Variants in COBL observed in about 807,000 individuals in gnomAD.
COBL encodes protein cordon-bleu.
Under a neutral mutation model 98.8 loss-of-function variants are expected in COBL, and 51 were observed. The ratio of observed to expected loss-of-function variants is 0.52; its 90% CI spans 0.41 to 0.65. COBL has a LOEUF of 0.65. COBL is among the 30% of genes least tolerant of loss of function. COBL has a pLI of 0.00. For synonymous variants in COBL, 634 were observed against 651.7 expected, an observed-to-expected ratio of 0.97 and a Z score of 0.41; for missense variants, 1,617 against 1,617.5, an observed-to-expected ratio of 1.00 and a Z score of 0.01.
At chr7:51,139,870 G>A (rs781419014) in intron 5 of COBL, among the ~76,000 whole-genome samples, 145 of 152,276 alleles carry the variant, frequency 9.5e-4, no homozygotes, top group Non-Finnish European at 2.5e-4. Context: ...AAAACAGCTT[G>A]GCCCCCCCTA....
At chr7:51,235,908 C>T (rs896675159) in intron 1 of COBL, among the ~76,000 whole-genome samples, 1 of 152,182 alleles carries the variant, frequency 6.6e-6, no homozygotes, top group African/African-American at 2.4e-5. Context: ...ACCATTCACA[C>T]AGTCCACCTT....
At chr7:51,306,055 C>G (rs60376948) in intron 1 of COBL, among the ~76,000 whole-genome samples, 31,859 of 151,772 alleles carry the variant, frequency 0.21, 4,214 homozygotes, top group African/African-American at 0.36. Context: ...GGGGTGGGGG[C>G]AAACATTGTA....
Position 51,113,720 on chromosome 7 carries a change from C to T in COBL, c.957+22438G>A, listed in dbSNP as rs541671488. Among the ~76,000 whole-genome samples, 12 of 152,282 alleles carry T rather than the reference C, an allele frequency of 7.9e-5. 1 individual carries two copies. In the South Asian group the frequency reaches 2.3e-3, roughly 29 times the overall value. ...ATATTATTTGGAATAAATTTCTCTT[C>T]CATATCAGAAATGTGTTATTTGCTG... On this transcript the variant is annotated intron_variant, in intron 6 of 12. Coordinates refer to ENST00000265136, the MANE Select transcript of COBL (RefSeq NM_015198.5).
intron 1 of COBL, among the ~76,000 whole-genome samples, chr7:51,248,090 G>T (rs913939620): frequency 6.6e-6 from 1 of 152,022 alleles, no homozygotes; most frequent in East Asian, 1.9e-4. Flanking sequence ...AGTGAGCCGA[G>T]ATCACGCCAC....
At chr7:51,236,475 C>T (rs1471598706) in intron 1 of COBL, among the ~76,000 whole-genome samples, 6 of 152,176 alleles carry the variant, frequency 3.9e-5, no homozygotes, top group African/African-American at 1.4e-4. Flanking sequence ...GTGAAGGAGA[C>T]TTTAAGAAAA....
At chr7:51,300,554 C>T (rs1489629837) in intron 1 of COBL, among the ~76,000 whole-genome samples, 1 of 152,116 alleles carries the variant, frequency 6.6e-6, no homozygotes, top group Non-Finnish European at 1.5e-5. Flanking sequence ...TTAGAAGGAG[C>T]CATGTGGTAT....
chr7:51,089,392 A>G (rs556116037), intron 6 of COBL, among the ~76,000 whole-genome samples: 1 of 152,034 alleles, frequency 6.6e-6, no homozygotes, highest in South Asian at 2.1e-4. Flanking sequence ...GCGGGCACCT[A>G]TAAGCCCAGC....
At chr7:51,094,043 A>ATATT (rs1221352663) in intron 6 of COBL, among the ~76,000 whole-genome samples, 3 of 151,732 alleles carry the variant, frequency 2.0e-5, no homozygotes, top group Non-Finnish European at 4.4e-5. Context: ...AACAATACAC[A>ATATT]GCCTTTAAAA....
chr7:51,162,966 T>C (rs1786969152), intron 5 of COBL, among the ~76,000 whole-genome samples: 1 of 152,198 alleles, frequency 6.6e-6, no homozygotes, highest in Admixed American at 6.5e-5. Context: ...AAGCAAGAAG[T>C]GCTAAGCTAA....
intron 1 of COBL, among the ~76,000 whole-genome samples, chr7:51,304,502 C>T (rs557145387): frequency 6.6e-6 from 1 of 152,318 alleles, no homozygotes; most frequent in Admixed American, 6.5e-5. Context: ...ACCAACAGAT[C>T]CCTTCTGATC....
At chr7:51,138,533 T>C (rs1272676763) in intron 5 of COBL, among the ~76,000 whole-genome samples, 1 of 152,218 alleles carries the variant, frequency 6.6e-6, no homozygotes, top group East Asian at 1.9e-4. Context: ...CCAGGGGGAA[T>C]GCAAACCCCA....
At chr7:51,311,698 G>A (rs1047198707) in intron 1 of COBL, among the ~76,000 whole-genome samples, 10 of 151,990 alleles carry the variant, frequency 6.6e-5, no homozygotes, top group Admixed American at 3.9e-4. Flanking sequence ...AGGTGGAAGC[G>A]AGAAAGCAAA....
chr7:51,196,893 G>T (rs1430297173), intron 2 of COBL, among the ~76,000 whole-genome samples: 5 of 151,708 alleles, frequency 3.3e-5, no homozygotes. Context: ...ATTTCTGGTT[G>T]TGTTTATATA....
At chr7:51,316,512 C>G in intron 1 of COBL, 81 bp downstream of exon 1, 1 of 1,094,268 alleles carries the variant, frequency 9.1e-7, no homozygotes, top group South Asian at 4.1e-5. Context: ...GGCGCCCTGC[C>G]CGGGAGCGCG....
At chr7:51,085,790 T>G in intron 6 of COBL, among the ~76,000 whole-genome samples, 1 of 152,190 alleles carries the variant, frequency 6.6e-6, no homozygotes, top group African/African-American at 2.4e-5. Flanking sequence ...CCTGACTGCA[T>G]GTTCACGTTC....
At chr7:51,051,766 G>A (rs1489742680) in intron 7 of COBL, among the ~76,000 whole-genome samples, 4 of 152,206 alleles carry the variant, frequency 2.6e-5, no homozygotes, top group East Asian at 1.9e-4. Context: ...GGACAGAGAC[G>A]GACGCTTGCA....
chr7:51,194,202 G>A (rs1790386433), intron 2 of COBL, among the ~76,000 whole-genome samples: 1 of 152,106 alleles, frequency 6.6e-6, no homozygotes, highest in Admixed American at 6.6e-5. Context: ...GTGAGAACAT[G>A]CAGTATTTGG....
intron 6 of COBL, among the ~76,000 whole-genome samples, chr7:51,088,658 A>G (rs6593326): frequency 0.39 from 58,703 of 152,048 alleles, 11,854 homozygotes; most frequent in African/African-American, 0.51. Context: ...CCTCAAATTC[A>G]TGACTGATTG....
chr7:51,267,492 AT>A (rs1488299686), intron 1 of COBL, among the ~76,000 whole-genome samples: 1 of 151,920 alleles, frequency 6.6e-6, no homozygotes, highest in Non-Finnish European at 1.5e-5. Context: ...ATATATATAT[AT>A]ATTACTAGTA....
Sources: gnomAD v4.1 joint callset for allele counts (sites outside exome capture counted in the v4.1 genomes callset) on GRCh38, gnomAD v4.1.1 for gene constraint, MANE v1.5 for transcripts, NCBI Gene and HGNC (gene_info 2026-07-23, HGNC 2026-07-21) for gene names.